Variants in NR3C2 observed in about 807,000 individuals in gnomAD.
NR3C2 encodes nuclear receptor subfamily 3 group C member 2.
NR3C2 carries 15 observed loss-of-function variants against 86.4 expected under a neutral mutation model. That is an observed-to-expected ratio of 0.17 (90% CI 0.12 to 0.27). The LOEUF is 0.27. Ranked by LOEUF, NR3C2 falls within the 10% of genes least tolerant of loss-of-function variation. NR3C2 has a pLI of 1.00. For synonymous variants in NR3C2, 458 were observed against 450.5 expected, an observed-to-expected ratio of 1.02 and a Z score of -0.21; for missense variants, 960 against 1,195.6, an observed-to-expected ratio of 0.80 and a Z score of 2.91.
chr4:148,281,998 T>C (rs967568429), intron 2 of NR3C2, among the ~76,000 whole-genome samples: 48 of 152,308 alleles, frequency 3.2e-4, no homozygotes, highest in African/African-American at 1.2e-3. Context: ...TCTAAAAGTT[T>C]TCATTAATTT....
intron 8 of NR3C2, among the ~76,000 whole-genome samples, chr4:148,083,523 C>A (rs915992948): frequency 6.6e-6 from 1 of 152,168 alleles, no homozygotes; most frequent in African/African-American, 2.4e-5. Flanking sequence ...AAAGAAACCT[C>A]ATCTGAAGGC....
At chr4:148,424,886 A>G (rs554995868) in intron 2 of NR3C2, among the ~76,000 whole-genome samples, 1 of 152,330 alleles carries the variant, frequency 6.6e-6, no homozygotes, top group South Asian at 2.1e-4. Context: ...TGAACACCAA[A>G]AAGAGTGAAT....
intron 6 of NR3C2, among the ~76,000 whole-genome samples, chr4:148,137,478 C>T: frequency 6.6e-6 from 1 of 152,142 alleles, no homozygotes; most frequent in African/African-American, 2.4e-5. Context: ...GTGGTAGGCT[C>T]TGTAAGTATT....
intron 2 of NR3C2, among the ~76,000 whole-genome samples, chr4:148,360,289 CAT>C (rs1341657796): frequency 6.6e-6 from 1 of 152,158 alleles, no homozygotes; most frequent in African/African-American, 2.4e-5. Flanking sequence ...ATGCTGTACA[CAT>C]GTTCTTTGTC....
chr4:148,285,485 G>C (rs1053221973), intron 2 of NR3C2, among the ~76,000 whole-genome samples: 2 of 152,160 alleles, frequency 1.3e-5, no homozygotes, highest in Non-Finnish European at 2.9e-5. Context: ...GAGGCGGGCA[G>C]ATCACGAGGT....
At chr4:148,365,669 GTGA>G (rs924876175) in intron 2 of NR3C2, among the ~76,000 whole-genome samples, 2 of 152,174 alleles carry the variant, frequency 1.3e-5, no homozygotes, top group African/African-American at 2.4e-5. Context: ...ATTTACAGTA[GTGA>G]TGAACTTAAA....
rs144667385 is a variant in NR3C2, at chr4:148,116,692, C to T, written c.2642-2431G>A. Among the ~76,000 whole-genome samples, 431 of 151,970 alleles carry T rather than the reference C, an allele frequency of 2.8e-3. 4 individuals are homozygous for T. The highest frequency in any genetic ancestry group is 4.6e-3 in the Non-Finnish European group (311 of 67,974). On this transcript the variant is annotated intron_variant, in intron 7 of 8. Coordinates refer to ENST00000358102, the MANE Select transcript of NR3C2 (RefSeq NM_000901.5). ...AATGCTTTACCTATGTTTTTTCCTA[C>T]CTTTTTATTTTGCTTCTTCTGCATT...
intron 2 of NR3C2, among the ~76,000 whole-genome samples, chr4:148,384,758 C>T (rs1747180355): frequency 6.6e-6 from 1 of 152,050 alleles, no homozygotes; most frequent in East Asian, 1.9e-4. Context: ...GTTAATACAA[C>T]CTTGAATTAC....
rs10033445 is a variant in NR3C2, at chr4:148,319,385, T to C, written c.1758-59268A>G. On this transcript the variant is annotated intron_variant, in intron 2 of 8. Transcript: ENST00000358102. ...GCTCTTTTCTGGTTCCATATGAACT[T>C]TCAAGTAGTTTTTTCCAATTCTGTG... 6.3e-3 allele frequency among the ~76,000 whole-genome samples: 960 copies of C among 152,270 alleles called. 7 individuals carry two copies. The highest frequency in any genetic ancestry group is 0.022 in the African/African-American group (932 of 41,526).
At chr4:148,160,134 C>T (rs1734591364) in intron 4 of NR3C2, among the ~76,000 whole-genome samples, 2 of 152,102 alleles carry the variant, frequency 1.3e-5, no homozygotes, top group Non-Finnish European at 2.9e-5. Flanking sequence ...CCTCAGGTGC[C>T]TAGTCCTTAA....
At chr4:148,304,033 G>A (rs1016484005) in intron 2 of NR3C2, among the ~76,000 whole-genome samples, 1 of 152,166 alleles carries the variant, frequency 6.6e-6, no homozygotes, top group Admixed American at 6.5e-5. Flanking sequence ...GGGTATTCAA[G>A]GGGAAGAGAA....
intron 8 of NR3C2, among the ~76,000 whole-genome samples, chr4:148,108,106 T>G (rs1443256509): frequency 6.6e-6 from 1 of 152,126 alleles, no homozygotes; most frequent in Non-Finnish European, 1.5e-5. Context: ...GTTTTTTGTT[T>G]TTTGTTTTTT....
chr4:148,302,013 T>C (rs1742362941), intron 2 of NR3C2, among the ~76,000 whole-genome samples: 1 of 152,238 alleles, frequency 6.6e-6, no homozygotes, highest in African/African-American at 2.4e-5. Flanking sequence ...TGTTAAGTTA[T>C]TGTAAACCAC....
At chr4:148,380,873 C>A (rs576308751) in intron 2 of NR3C2, among the ~76,000 whole-genome samples, 12 of 152,220 alleles carry the variant, frequency 7.9e-5, no homozygotes, top group East Asian at 3.9e-4. Flanking sequence ...GACCAAAAAA[C>A]CATAATATTT....
chr4:148,314,951 G>A (rs1189600358), intron 2 of NR3C2, among the ~76,000 whole-genome samples: 2 of 151,936 alleles, frequency 1.3e-5, no homozygotes, highest in Non-Finnish European at 2.9e-5. Flanking sequence ...CATGTTCTAC[G>A]AACATTATAC....
At chr4:148,321,036 C>A (rs1743552977) in intron 2 of NR3C2, among the ~76,000 whole-genome samples, 1 of 151,326 alleles carries the variant, frequency 6.6e-6, no homozygotes, top group Non-Finnish European at 1.5e-5. Context: ...TCTCCCTCTA[C>A]ACACTGCTTT....
chr4:148,224,996 G>A (rs1267619868), intron 3 of NR3C2, among the ~76,000 whole-genome samples: 1 of 152,188 alleles, frequency 6.6e-6, no homozygotes, highest in African/African-American at 2.4e-5. Flanking sequence ...ACAAAGAGCA[G>A]CTTATTATTA....
At chr4:148,090,652 G>A (rs993920425) in intron 8 of NR3C2, among the ~76,000 whole-genome samples, 1 of 152,172 alleles carries the variant, frequency 6.6e-6, no homozygotes, top group East Asian at 1.9e-4. Flanking sequence ...CATCACCCAG[G>A]AGATGCTGAG....
At chr4:148,194,524 C>G (rs551127983) in intron 4 of NR3C2, among the ~76,000 whole-genome samples, 10 of 152,044 alleles carry the variant, frequency 6.6e-5, no homozygotes, top group Non-Finnish European at 8.8e-5. Context: ...AACTCAGGCT[C>G]GAAAAATTCA....
Sources: gnomAD v4.1 joint callset for allele counts (sites outside exome capture counted in the v4.1 genomes callset) on GRCh38, gnomAD v4.1.1 for gene constraint, MANE v1.5 for transcripts, NCBI Gene and HGNC (gene_info 2026-07-23, HGNC 2026-07-21) for gene names.